HS3ST5: variants seen among roughly 807,000 people sequenced by gnomAD.
HS3ST5 encodes heparan sulfate glucosamine 3-O-sulfotransferase 5.
A neutral mutation model predicts 25.4 loss-of-function variants in HS3ST5; 10 were observed. The ratio of observed to expected loss-of-function variants is 0.39; its 90% CI spans 0.24 to 0.67. The LOEUF (loss-of-function observed/expected upper bound fraction) is 0.67. HS3ST5 is among the 30% of genes least tolerant of loss of function. The pLI is 0.44. For missense variants in HS3ST5, 324 were observed against 420.7 expected (o/e 0.77, Z 2.01); for synonymous variants, 170 against 162.4 (o/e 1.05, Z -0.36).
At chr6:114,197,161 T>A (rs1278682244) in intron 2 of HS3ST5, among the ~76,000 whole-genome samples, 1 of 151,672 alleles carries the variant, frequency 6.6e-6, no homozygotes, top group Non-Finnish European at 1.5e-5. Context: ...AATGAGTACT[T>A]TATTTTTTGA....
chr6:114,178,296 A>G (rs1582685773), intron 2 of HS3ST5, among the ~76,000 whole-genome samples: 1 of 152,340 alleles, frequency 6.6e-6, no homozygotes, highest in South Asian at 2.1e-4. Context: ...AAACTGGTTT[A>G]TTATTCACAA....
chr6:114,061,597 T>C (rs972230922), intron 4 of HS3ST5, among the ~76,000 whole-genome samples: 3 of 152,240 alleles, frequency 2.0e-5, no homozygotes, highest in African/African-American at 7.2e-5. Flanking sequence ...GTGTTTTCAC[T>C]GACTGTGAGA....
At chr6:114,236,099 G>A (rs759506105) in intron 1 of HS3ST5, among the ~76,000 whole-genome samples, 8 of 152,044 alleles carry the variant, frequency 5.3e-5, no homozygotes, top group Non-Finnish European at 1.2e-4. Flanking sequence ...TTTATTATGG[G>A]GTTCATTATA....
intron 3 of HS3ST5, among the ~76,000 whole-genome samples, chr6:114,112,037 T>C (rs1488366208): frequency 6.6e-6 from 1 of 152,140 alleles, no homozygotes; most frequent in Non-Finnish European, 1.5e-5. Flanking sequence ...TTCCGCTGTA[T>C]AATTATCCCT....
chr6:114,217,843 T>G (rs545116439), intron 2 of HS3ST5, among the ~76,000 whole-genome samples: 1 of 152,312 alleles, frequency 6.6e-6, no homozygotes, highest in African/African-American at 2.4e-5. Context: ...ATCAGAAAAC[T>G]CAGCCACAGA....
At chr6:114,314,904 G>A (rs73544423) in intron 1 of HS3ST5, among the ~76,000 whole-genome samples, 5,410 of 152,100 alleles carry the variant, frequency 0.036, 324 homozygotes, top group African/African-American at 0.12. Context: ...AATGAATAAG[G>A]GTGCACCATT....
chr6:114,109,983 T>C (rs182982112), intron 3 of HS3ST5, among the ~76,000 whole-genome samples: 42 of 152,306 alleles, frequency 2.8e-4, no homozygotes, highest in Admixed American at 2.5e-3. Flanking sequence ...GGACATAATA[T>C]AATGATTTCT....
intron 2 of HS3ST5, among the ~76,000 whole-genome samples, chr6:114,210,291 T>C (rs1185835752): frequency 1.3e-5 from 2 of 152,218 alleles, no homozygotes; most frequent in African/African-American, 2.4e-5. Flanking sequence ...AAGCCTCTTG[T>C]AGACTTGCAC....
At chr6:114,262,597 G>A (rs1773227674) in intron 1 of HS3ST5, among the ~76,000 whole-genome samples, 1 of 151,778 alleles carries the variant, frequency 6.6e-6, no homozygotes, top group Non-Finnish European at 1.5e-5. Context: ...AAGTTGTACT[G>A]ATGTACTTCC....
At chr6:114,098,109 C>T (rs141284901) in intron 3 of HS3ST5, among the ~76,000 whole-genome samples, 65 of 152,054 alleles carry the variant, frequency 4.3e-4, no homozygotes, top group Middle Eastern at 3.4e-3. Flanking sequence ...CTAATTCAGA[C>T]GTTTTACTAA....
chr6:114,263,984 A>G (rs550345261), intron 1 of HS3ST5, among the ~76,000 whole-genome samples: 167 of 152,296 alleles, frequency 1.1e-3, no homozygotes, highest in African/African-American at 3.9e-3. Context: ...CCACAATAAC[A>G]CTACCCCAAA....
At chr6:114,063,985 G>T (rs1207048879) in intron 3 of HS3ST5, among the ~76,000 whole-genome samples, 2 of 152,114 alleles carry the variant, frequency 1.3e-5, no homozygotes, top group Non-Finnish European at 2.9e-5. Flanking sequence ...AGGAGCGTAG[G>T]GCTTTACTAG....
chr6:114,086,119 T>G (rs1278937900), intron 3 of HS3ST5, among the ~76,000 whole-genome samples: 1 of 152,230 alleles, frequency 6.6e-6, no homozygotes, highest in Non-Finnish European at 1.5e-5. Flanking sequence ...AGTGTGGAAT[T>G]GTACATGGCT....
chr6:114,171,664 A>C (rs1779479077), intron 2 of HS3ST5, among the ~76,000 whole-genome samples: 1 of 152,158 alleles, frequency 6.6e-6, no homozygotes, highest in Non-Finnish European at 1.5e-5. Context: ...GGAATACGTA[A>C]TTCATACTTA....
chr6:114,205,317 G>GA (rs1781222959), intron 2 of HS3ST5, among the ~76,000 whole-genome samples: 1 of 152,050 alleles, frequency 6.6e-6, no homozygotes, highest in Non-Finnish European at 1.5e-5. Flanking sequence ...TGGAACTCAG[G>GA]AAAACACTAC....
Position 114,152,329 on chromosome 6 carries a change from CTTT to C in HS3ST5, c.-33+16019_-33+16021del, listed in dbSNP as rs543651781. Among the ~76,000 whole-genome samples the C allele has an allele frequency of 2.0e-3, 297 of 152,214 alleles. 2 individuals are homozygous for C. The Middle Eastern group carries it at 0.037, about 19-fold the overall frequency. On this transcript the variant is annotated intron_variant, in intron 3 of 4. Coordinates refer to ENST00000312719, the MANE Select transcript of HS3ST5 (RefSeq NM_153612.4). Reference sequence around the variant, plus strand: ...AATTATTCCTTGCAAATTCACACTTCTTTGTTTCAGTGTACACATCTATGCTGC... The same window carrying C: ...AATTATTCCTTGCAAATTCACACTTCGTTTCAGTGTACACATCTATGCTGC...
chr6:114,255,627 C>A (rs181811455), intron 1 of HS3ST5, among the ~76,000 whole-genome samples: 5 of 152,182 alleles, frequency 3.3e-5, no homozygotes, highest in African/African-American at 1.2e-4. Flanking sequence ...CATTTACATA[C>A]GTCCTCTGAA....
intron 3 of HS3ST5, among the ~76,000 whole-genome samples, chr6:114,125,811 A>AC (rs1777011159): frequency 6.6e-6 from 1 of 152,174 alleles, no homozygotes. Context: ...TCTTGTCAAC[A>AC]CGTGATAGCC....
At chr6:114,121,739 T>C (rs1259931994) in intron 3 of HS3ST5, among the ~76,000 whole-genome samples, 3 of 152,210 alleles carry the variant, frequency 2.0e-5, no homozygotes, top group Non-Finnish European at 4.4e-5. Context: ...ATTTAAGTTG[T>C]CTCCAATATT....
Sources: allele counts gnomAD v4.1 joint callset (sites outside exome capture counted in the v4.1 genomes callset), GRCh38; gene constraint gnomAD v4.1.1; transcripts MANE v1.5; gene names NCBI Gene and HGNC (gene_info 2026-07-23, HGNC 2026-07-21).